ENOX1: variants seen among roughly 807,000 people sequenced by gnomAD.
The protein encoded by ENOX1 is candidate growth-related and time keeping constitutive hydroquinone (NADH) oxidase.
Under a neutral mutation model 82.5 loss-of-function variants are expected in ENOX1, and 42 were observed. The observed-to-expected ratio is 0.51, with a 90% CI of 0.40 to 0.66. The LOEUF is 0.66. Ranked by LOEUF, ENOX1 falls within the 30% of genes least tolerant of loss-of-function variation. The pLI is 0.00. For synonymous variants in ENOX1, 271 were observed against 282.2 expected (o/e 0.96, Z 0.40); for missense variants, 608 against 811.6 (o/e 0.75, Z 3.05).
intron 14 of ENOX1, among the ~76,000 whole-genome samples, chr13:43,247,901 T>TTG (rs2043217974): frequency 3.2e-5 from 2 of 63,364 alleles, no homozygotes; most frequent in Admixed American, 2.1e-4. Context: ...TTTTTTTTTT[T>TTG]TTGAGACGGA....
intron 3 of ENOX1, among the ~76,000 whole-genome samples, chr13:43,414,049 ATGGTT>A (rs1409761583): frequency 6.6e-6 from 1 of 152,168 alleles, no homozygotes; most frequent in Non-Finnish European, 1.5e-5. Flanking sequence ...ATTAGATCTT[ATGGTT>A]TGACAGTGTA....
chr13:43,741,046 T>C (rs2089883508), intron 1 of ENOX1, among the ~76,000 whole-genome samples: 1 of 152,008 alleles, frequency 6.6e-6, no homozygotes, highest in Admixed American at 6.6e-5. Context: ...TTGAACCTTT[T>C]GAAAAAGTGC....
intron 16 of ENOX1, among the ~76,000 whole-genome samples, chr13:43,217,469 C>G (rs1033015533): frequency 5.9e-5 from 9 of 152,096 alleles, no homozygotes; most frequent in African/African-American, 2.2e-4. Flanking sequence ...AGACTTTAAC[C>G]ACAAAGGAAG....
At chr13:43,556,653 T>TA (rs1157813580) in intron 2 of ENOX1, among the ~76,000 whole-genome samples, 1 of 152,070 alleles carries the variant, frequency 6.6e-6, no homozygotes, top group East Asian at 1.9e-4. Context: ...AATTATCTAT[T>TA]AGACACTTGA....
chr13:43,536,149 T>C (rs2078450714), intron 2 of ENOX1, among the ~76,000 whole-genome samples: 3 of 152,222 alleles, frequency 2.0e-5, no homozygotes, highest in African/African-American at 7.2e-5. Flanking sequence ...TTTAAGTTAA[T>C]GTAAAAACAC....
intron 8 of ENOX1, among the ~76,000 whole-genome samples, chr13:43,350,338 T>A (rs2153551046): frequency 6.6e-6 from 1 of 152,294 alleles, no homozygotes; most frequent in Middle Eastern, 3.4e-3. Flanking sequence ...CATGCTACAG[T>A]CATATCTGAA....
chr13:43,426,941 T>C (rs1303632318), intron 3 of ENOX1, among the ~76,000 whole-genome samples: 1 of 152,174 alleles, frequency 6.6e-6, no homozygotes, highest in Non-Finnish European at 1.5e-5. Flanking sequence ...CTTACTTTAA[T>C]AGGGGTCACC....
At chr13:43,563,275 T>C (rs1277944805) in intron 2 of ENOX1, among the ~76,000 whole-genome samples, 2 of 152,186 alleles carry the variant, frequency 1.3e-5, no homozygotes, top group African/African-American at 4.8e-5. Context: ...TTAAATTATA[T>C]GCTTCTGAAT....
intron 2 of ENOX1, among the ~76,000 whole-genome samples, chr13:43,543,047 T>C (rs969278186): frequency 4.6e-5 from 7 of 152,148 alleles, no homozygotes; most frequent in South Asian, 2.1e-4. Context: ...TATCAACTTA[T>C]GAATTTGCAG....
chr13:43,524,103 C>T lies in ENOX1; in HGVS notation c.-218-39951G>A, dbSNP rs956233219. Among the ~76,000 whole-genome samples, 5 of 152,160 alleles carry T rather than the reference C, an allele frequency of 3.3e-5. No individual in the cohort carries two copies. In the South Asian group the frequency reaches 1.0e-3, roughly 32 times the overall value. ...ACAAGTTTCAGGAAGGCCACCCAAC[C>T]ACCTTCTTCACATCATCCTAGCCTT... is the stretch of plus-strand genomic sequence containing the variant. On this transcript the variant is annotated intron_variant, in intron 2 of 16. Transcript: ENST00000690772.
intron 1 of ENOX1, among the ~76,000 whole-genome samples, chr13:43,703,246 T>C (rs191838797): frequency 1.3e-5 from 2 of 152,338 alleles, no homozygotes. Flanking sequence ...AAATGGGTAG[T>C]GTTCTTTCCA....
intron 2 of ENOX1, among the ~76,000 whole-genome samples, chr13:43,486,271 C>A (rs1414248031): frequency 6.6e-6 from 1 of 151,954 alleles, no homozygotes; most frequent in East Asian, 1.9e-4. Flanking sequence ...TTAATCCTGG[C>A]TACTCGGGAG....
chr13:43,501,242 T>C (rs2076970116), intron 2 of ENOX1, among the ~76,000 whole-genome samples: 1 of 151,744 alleles, frequency 6.6e-6, no homozygotes, highest in Admixed American at 6.6e-5. Context: ...AAAATGCTTT[T>C]AAGTCAACTG....
intron 13 of ENOX1, among the ~76,000 whole-genome samples, chr13:43,268,881 C>T (rs1162224333): frequency 6.6e-6 from 1 of 152,120 alleles, no homozygotes; most frequent in South Asian, 2.1e-4. Flanking sequence ...TGCTGCCTGC[C>T]GAGTGTTCCA....
rs539383465 is a variant in ENOX1, at chr13:43,341,423, T to C, written c.1036+3115A>G. ...ATAAGAAGAAGTCAAGCACACAGAGTATGGGAAAGGGCACCCCAGGCAGAA... is the reference window on the plus strand; with the variant it reads ...ATAAGAAGAAGTCAAGCACACAGAGCATGGGAAAGGGCACCCCAGGCAGAA... On this transcript the variant is annotated intron_variant, in intron 9 of 16. Transcript: ENST00000690772. Among the ~76,000 whole-genome samples the C allele has an allele frequency of 2.7e-5, 4 of 150,438 alleles. No homozygotes were observed. The South Asian group carries it at 8.4e-4, about 32-fold the overall frequency.
intron 1 of ENOX1, among the ~76,000 whole-genome samples, chr13:43,761,553 T>C (rs1950976567): frequency 6.6e-6 from 1 of 152,212 alleles, no homozygotes; most frequent in Non-Finnish European, 1.5e-5. Flanking sequence ...GCCCACTATC[T>C]CTGGATGTCT....
chr13:43,707,274 T>A (rs908614995), intron 1 of ENOX1, among the ~76,000 whole-genome samples: 5 of 152,126 alleles, frequency 3.3e-5, no homozygotes, highest in Non-Finnish European at 5.9e-5. Flanking sequence ...TGTAAATGAA[T>A]AGATGTTTCA....
At chr13:43,371,312 C>G (rs1057354477) in intron 5 of ENOX1, among the ~76,000 whole-genome samples, 1 of 152,202 alleles carries the variant, frequency 6.6e-6, no homozygotes, top group African/African-American at 2.4e-5. Flanking sequence ...ACATCTACTT[C>G]TATCTTTCTG....
At chr13:43,657,332 G>A (rs1339878995) in intron 2 of ENOX1, among the ~76,000 whole-genome samples, 1 of 152,162 alleles carries the variant, frequency 6.6e-6, no homozygotes, top group Non-Finnish European at 1.5e-5. Context: ...TTCCACATGT[G>A]GAAATCAGTA....
Sources: allele counts gnomAD v4.1 joint callset (sites outside exome capture counted in the v4.1 genomes callset), GRCh38; gene constraint gnomAD v4.1.1; transcripts MANE v1.5; gene names NCBI Gene and HGNC (gene_info 2026-07-23, HGNC 2026-07-21).